SGCZ: variants seen among roughly 807,000 people sequenced by gnomAD.
SGCZ encodes sarcoglycan zeta.
In SGCZ, 40 loss-of-function variants were observed where a neutral mutation model predicts 41.3. That is an observed-to-expected ratio of 0.97 (90% CI 0.75 to 1.26). The LOEUF is 1.26. Ranked by LOEUF, SGCZ falls within the 50% of genes most tolerant of loss-of-function variation. The pLI is 0.00. For missense variants in SGCZ, 552 were observed against 369.8 expected (o/e 1.49, Z -4.04); for synonymous variants, 206 against 137.5 (o/e 1.50, Z -3.49).
chr8:14,645,480 ATATG>A (rs1325501187), intron 1 of SGCZ, among the ~76,000 whole-genome samples: 1 of 105,538 alleles, frequency 9.5e-6, no homozygotes, highest in Non-Finnish European at 2.3e-5. Context: ...ATATATATTT[ATATG>A]TATATATATA....
At chr8:15,093,850 T>C (rs1289363608) in intron 1 of SGCZ, among the ~76,000 whole-genome samples, 2 of 152,202 alleles carry the variant, frequency 1.3e-5, no homozygotes, top group Non-Finnish European at 2.9e-5. Flanking sequence ...CATCTTTTTA[T>C]ATATGAGTGT....
At chr8:14,791,102 A>G (rs2130468750) in intron 1 of SGCZ, among the ~76,000 whole-genome samples, 1 of 152,268 alleles carries the variant, frequency 6.6e-6, no homozygotes, top group Middle Eastern at 3.4e-3. Flanking sequence ...TGCTATTATA[A>G]CAAAAATCTC....
At chr8:14,903,873 T>C (rs1409171658) in intron 1 of SGCZ, among the ~76,000 whole-genome samples, 1 of 151,980 alleles carries the variant, frequency 6.6e-6, no homozygotes, top group Non-Finnish European at 1.5e-5. Context: ...AGAATAAATA[T>C]ACAGAAATCT....
At chr8:15,040,308 A>C (rs1214593783) in intron 1 of SGCZ, among the ~76,000 whole-genome samples, 2 of 152,170 alleles carry the variant, frequency 1.3e-5, no homozygotes, top group Non-Finnish European at 1.5e-5. Flanking sequence ...TAAATGTCCT[A>C]TGGTCTTTTT....
intron 2 of SGCZ, among the ~76,000 whole-genome samples, chr8:14,487,246 C>G (rs150194546): frequency 4.6e-5 from 7 of 152,166 alleles, no homozygotes; most frequent in Non-Finnish European, 2.9e-5. Flanking sequence ...TAATTGTAAA[C>G]GCTTTATTTT....
intron 1 of SGCZ, among the ~76,000 whole-genome samples, chr8:14,961,363 A>G (rs1363205918): frequency 1.3e-5 from 2 of 152,128 alleles, no homozygotes; most frequent in African/African-American, 4.8e-5. Flanking sequence ...TGCAAGCGAT[A>G]AAAGTTACAG....
intron 1 of SGCZ, among the ~76,000 whole-genome samples, chr8:15,220,153 T>C (rs1215794706): frequency 6.6e-6 from 1 of 152,174 alleles, no homozygotes; most frequent in Non-Finnish European, 1.5e-5. Flanking sequence ...AAAAAAGCAC[T>C]TTCCTCAACA....
intron 3 of SGCZ, among the ~76,000 whole-genome samples, chr8:14,315,480 G>C (rs73207801): frequency 0.27 from 40,303 of 151,950 alleles, 6,179 homozygotes; most frequent in South Asian, 0.48. Flanking sequence ...TGTGATGCAA[G>C]GGGATAAGGA....
chr8:14,865,922 G>T (rs1481831120), intron 1 of SGCZ, among the ~76,000 whole-genome samples: 1 of 152,060 alleles, frequency 6.6e-6, no homozygotes, highest in Non-Finnish European at 1.5e-5. Flanking sequence ...ACACCTTGGG[G>T]ACCCCTTGTC....
At chr8:14,615,112 A>G (rs1216124867) in intron 1 of SGCZ, among the ~76,000 whole-genome samples, 1 of 152,188 alleles carries the variant, frequency 6.6e-6, no homozygotes, top group East Asian at 1.9e-4. Flanking sequence ...TAATTATGAC[A>G]GTAAAGGAGA....
chr8:14,683,392 A>G (rs1808509337), intron 1 of SGCZ, among the ~76,000 whole-genome samples: 1 of 152,166 alleles, frequency 6.6e-6, no homozygotes, highest in Non-Finnish European at 1.5e-5. Flanking sequence ...CAATATATAA[A>G]AAAAGAATTT....
intron 1 of SGCZ, among the ~76,000 whole-genome samples, chr8:15,067,976 T>C (rs1805212618): frequency 6.6e-6 from 1 of 152,108 alleles, no homozygotes; most frequent in Non-Finnish European, 1.5e-5. Context: ...ATTATGAAAA[T>C]TATGTTCTCG....
intron 4 of SGCZ, among the ~76,000 whole-genome samples, chr8:14,231,353 G>C (rs1806565480): frequency 6.6e-6 from 1 of 151,858 alleles, no homozygotes; most frequent in African/African-American, 2.4e-5. Context: ...CTTAGGGAAG[G>C]TCTTCAGCCT....
intron 1 of SGCZ, among the ~76,000 whole-genome samples, chr8:14,555,661 T>G (rs1804013066): frequency 6.6e-6 from 1 of 152,042 alleles, no homozygotes; most frequent in Admixed American, 6.6e-5. Context: ...AAGCTACACT[T>G]AGACTATGAT....
chr8:15,052,245 A>G (rs1199497362), intron 1 of SGCZ, among the ~76,000 whole-genome samples: 2 of 152,208 alleles, frequency 1.3e-5, no homozygotes, highest in Admixed American at 6.5e-5. Context: ...GAGCTAAAGA[A>G]AAGTCCTCCA....
intron 1 of SGCZ, among the ~76,000 whole-genome samples, chr8:14,847,103 A>AAAGAAGAAAGAAGAAG (rs1803143162): frequency 8.0e-6 from 1 of 124,956 alleles, no homozygotes. Flanking sequence ...AAGAAAGAAG[A>AAAGAAGAAAGAAGAAG]AAGAAGAAAG....
At chr8:14,208,442 T>TAC (rs1428098572) in intron 4 of SGCZ, among the ~76,000 whole-genome samples, 4 of 152,120 alleles carry the variant, frequency 2.6e-5, no homozygotes, top group Non-Finnish European at 2.9e-5. Context: ...AGAGCAAGTA[T>TAC]GGAGGAACCA....
chr8:15,080,238 T>C (rs1805690044), intron 1 of SGCZ, among the ~76,000 whole-genome samples: 1 of 152,070 alleles, frequency 6.6e-6, no homozygotes, highest in Non-Finnish European at 1.5e-5. Flanking sequence ...TTTTTTTTAG[T>C]GTCTCCCTAG....
At chr8:15,044,313 T>C (rs184235814) in intron 1 of SGCZ, among the ~76,000 whole-genome samples, 4 of 152,264 alleles carry the variant, frequency 2.6e-5, no homozygotes, top group South Asian at 4.1e-4. Context: ...CTGCCCACTT[T>C]ATCAAGGCCA....
Sources: allele counts gnomAD v4.1 joint callset (sites outside exome capture counted in the v4.1 genomes callset), GRCh38; gene constraint gnomAD v4.1.1; transcripts MANE v1.5; gene names NCBI Gene and HGNC (gene_info 2026-07-23, HGNC 2026-07-21).